COL6A1: variants seen among roughly 807,000 people sequenced by gnomAD.
COL6A1 encodes collagen alpha-1(VI) chain.
In COL6A1, 80 loss-of-function variants were observed where a neutral mutation model predicts 145.6. The observed-to-expected ratio is 0.55, with a 90% CI of 0.46 to 0.66. COL6A1 has a LOEUF of 0.66. COL6A1 is among the 30% of genes least tolerant of loss of function. The probability of loss-of-function intolerance (pLI) is 0.00; values close to 1 mark genes in which losing one functional copy is unlikely to be tolerated. For missense variants in COL6A1, 1,364 were observed against 1,473.8 expected (o/e 0.93, Z 1.22); for synonymous variants, 638 against 622.8 (o/e 1.02, Z -0.36).
chr21:46,002,148 T>A, intron 31 of COL6A1, 70 bp from the exon 32 acceptor site: 1 of 1,567,814 alleles, frequency 6.4e-7, no homozygotes, highest in Non-Finnish European at 8.6e-7. Flanking sequence ...CCCTGACCCC[T>A]GATCCCAGGT....
At chr21:45,998,252 G>A in intron 23 of COL6A1, 81 bp downstream of exon 23, 24 of 1,584,244 alleles carry the variant, frequency 1.5e-5, no homozygotes, top group Non-Finnish European at 2.1e-5. Context: ...GCACTCTTGG[G>A]TGGGCGGGCT....
intron 3 of COL6A1, among the ~76,000 whole-genome samples, chr21:45,984,769 C>G (rs2077728233): frequency 6.8e-6 from 1 of 147,536 alleles, no homozygotes; most frequent in South Asian, 2.2e-4. Flanking sequence ...CAGACAGAGA[C>G]AAACAGAGAC....
chr21:45,986,529 C>T lies in COL6A1; in HGVS notation c.432C>T (p.Gly144=), dbSNP rs1448036420. The part of the protein sequence containing the change: ...KKGLEQLLVG[G]SHLKENKYLI... ...CACGCTGCCCTCTCCTGTCCAGGGG[C>T]TCCCACCTGAAGGAGAATAAGTACC... Residue 144 remains glycine, a synonymous_variant, in exon 4 of 35, where the codon GGC becomes GGT. Coordinates refer to ENST00000361866, the MANE Select transcript of COL6A1 (RefSeq NM_001848.3). 1.9e-6 allele frequency: 3 copies of T among 1,558,506 alleles called. No homozygotes were observed. Among genetic ancestry groups the T allele is most frequent in the South Asian group, 1.2e-5 (1 of 84,524 alleles).
chr21:45,990,184 C>A (rs922266915), intron 11 of COL6A1, 74 bp from the exon 12 acceptor site: 4 of 1,581,458 alleles, frequency 2.5e-6, no homozygotes, highest in East Asian at 2.2e-5. Flanking sequence ...CCCTGCCTCG[C>A]GTGGGCCTAA....
chr21:46,003,289 C>T, intron 34 of COL6A1, 102 bp from the exon 35 acceptor site: 1 of 1,602,488 alleles, frequency 6.2e-7, no homozygotes, highest in Admixed American at 1.7e-5. Flanking sequence ...CTGAGCACCA[C>T]CGTGCCGTGC....
intron 23 of COL6A1, 51 bp downstream of exon 23, chr21:45,998,222 CGCCCTCTTTAGTGGACTGG>C: frequency 6.3e-7 from 1 of 1,599,834 alleles, no homozygotes; most frequent in Non-Finnish European, 8.5e-7. Context: ...CTGCCTGCGG[CGCCCTCTTTAGTGGACTGG>C]GCACTCTTGG....
Position 45,981,906 on chromosome 21 carries a change from C to A in COL6A1, c.56C>A (p.Ala19Glu). ...PLLLQACWTAAQDEPETPRAV... is the reference protein window; with the variant it reads ...PLLLQACWTAEQDEPETPRAV... ...CTGCTGCAGGCCTGCTGGACAGCCG[C>A]GCAGGATGAGCCGGAGACCCCGAGG... The change falls in exon 1 of 35, where the codon GCG becomes GAG. Residue 19 changes from alanine (A) to glutamate (E), a missense_variant. Ala to Glu is a moderately radical substitution (Grantham distance 107, BLOSUM62 -1). Around this residue, in one of 3 missense-constraint regions of COL6A1, gnomAD observed 414 missense variants for 437.6 expected, o/e 0.95. Coordinates refer to ENST00000361866, the MANE Select transcript of COL6A1 (RefSeq NM_001848.3). The A allele has an allele frequency of 6.2e-7, 1 of 1,606,898 alleles. No homozygotes were observed. Among genetic ancestry groups the A allele is most frequent in the Non-Finnish European group, 8.5e-7 (1 of 1,178,040 alleles).
chr21:45,998,174 A>G lies in COL6A1; in HGVS notation c.1575+3A>G, dbSNP rs2077817519. Reference sequence around the variant, plus strand: ...CCGAGGGCTTCCCCGGCTTCCCCGTAAGTGTCCGGAGGCTGAGCCCACAGG... The same window carrying G: ...CCGAGGGCTTCCCCGGCTTCCCCGTGAGTGTCCGGAGGCTGAGCCCACAGG... On this transcript the variant is annotated splice_donor_region_variant and intron_variant, in intron 23 of 34. Coordinates refer to ENST00000361866, the MANE Select transcript of COL6A1 (RefSeq NM_001848.3). The G allele has an allele frequency of 1.2e-6, 2 of 1,611,738 alleles. No homozygotes were observed. The highest frequency in any genetic ancestry group is 1.6e-4 in the Middle Eastern group (1 of 6,080).
chr21:46,001,273 G>T lies in COL6A1; in HGVS notation c.1843G>T (p.Asp615Tyr). The change falls in exon 30 of 35, where the codon GAC (aspartate) becomes TAC (tyrosine). Residue 615 changes from aspartate (D) to tyrosine (Y), a missense_variant. By Grantham distance (160) the Asp-to-Tyr change is radical. This residue lies in a region of COL6A1 where 938 missense variants were observed against 1,003.8 expected (regional missense o/e 0.93). Transcript: ENST00000361866. ...SCCECKCGPIDLLFVLDSSES... is the reference protein window; with the variant it reads ...SCCECKCGPIYLLFVLDSSES... ...TGCAGAATGCAAGTGCGGCCCCATC[G>T]ACCTCCTGTTCGTGCTGGACAGCTC... The T allele has an allele frequency of 2.5e-6, 4 of 1,610,386 alleles. No homozygotes were observed. Among genetic ancestry groups the T allele is most frequent in the Non-Finnish European group, 2.5e-6 (3 of 1,179,676 alleles).
chr21:45,990,200 G>T, intron 11 of COL6A1, 58 bp from the exon 12 acceptor site: 3 of 1,607,128 alleles, frequency 1.9e-6, no homozygotes, highest in Non-Finnish European at 2.6e-6. Context: ...CCTAAGCCAG[G>T]CTTGCCCTGC....
At chr21:45,999,019 C>G in intron 25 of COL6A1, 60 bp downstream of exon 25, 2 of 1,548,446 alleles carry the variant, frequency 1.3e-6, no homozygotes, top group Non-Finnish European at 1.7e-6. Context: ...GGGCTGGGCC[C>G]TTGAAGGGCA....
At position 45,991,029 on chromosome 21, in the gene COL6A1, G is replaced by A. The variant is rs746451311; in HGVS notation, c.1107G>A (p.Leu369=). 14 of 1,613,288 alleles carry A rather than the reference G, an allele frequency of 8.7e-6. No homozygotes were observed. Among genetic ancestry groups the A allele is most frequent in the Middle Eastern group, 3.3e-4 (2 of 6,062 alleles). Residue 369 remains leucine (L), a synonymous_variant, in exon 15 of 35, where the codon CTG becomes CTA. Transcript: ENST00000361866. The part of the protein sequence containing the change: ...GPKGDPGAFG[L]KGEKGEPGAD... ...AGGGAGACCCCGGTGCCTTTGGACT[G>A]AAAGGAGAAAAGGTGAGTGACTTGC...
At chr21:46,001,932 G>A (rs1048422381) in intron 30 of COL6A1, 29 bp from the exon 31 acceptor site, 14 of 1,598,356 alleles carry the variant, frequency 8.8e-6, no homozygotes, top group South Asian at 4.5e-5. Flanking sequence ...GGCAGCACTC[G>A]CGTCCTGACC....
intron 9 of COL6A1, 63 bp downstream of exon 9, chr21:45,989,200 G>A (rs929246607): frequency 1.7e-5 from 25 of 1,505,744 alleles, no homozygotes; most frequent in African/African-American, 1.3e-4. Context: ...ACTAGGCCTC[G>A]GAAACTTCCG....
rs369365801 is a variant in COL6A1, at chr21:46,001,357, G to A, written c.1927G>A (p.Asp643Asn). 3.7e-6 allele frequency: 6 copies of A among 1,612,166 alleles called. No homozygotes were observed. The highest frequency in any genetic ancestry group is 1.3e-5 in the African/African-American group (1 of 74,900). The change falls in exon 30 of 35, where the codon GAC becomes AAC. Residue 643 changes from aspartate (D) to asparagine (N), a missense_variant. Around this residue, in one of 3 missense-constraint regions of COL6A1, gnomAD observed 938 missense variants for 1,003.8 expected, o/e 0.93. Transcript: ENST00000361866. ...CAAGGACTTCGTCGTCAAGGTCATCGACCGGCTGAGCCGGGACGAGCTGGT... is the reference window on the plus strand; with the variant it reads ...CAAGGACTTCGTCGTCAAGGTCATCAACCGGCTGAGCCGGGACGAGCTGGT... ...IAKDFVVKVI[D>N]RLSRDELVKF... is the part of the protein sequence containing the mutation.
chr21:45,999,490 A>G (rs2077825810), intron 26 of COL6A1, 167 bp from the exon 27 acceptor site: 3 of 833,806 alleles, frequency 3.6e-6, no homozygotes, highest in African/African-American at 1.7e-5. Flanking sequence ...GCGAAGCCCC[A>G]GCTGCCCTCA....
Position 45,985,141 on chromosome 21 carries a change from CAG to C in COL6A1, c.428+676_428+677del, listed in dbSNP as rs200995260. On this transcript the variant is annotated intron_variant, in intron 3 of 34. Transcript: ENST00000361866. Reference sequence around the variant, plus strand: ...AGACAGGCAGACAGAGAGACAGAGACAGAGACAGCGAAACAGAGACAGAAACA... The same window carrying C: ...AGACAGGCAGACAGAGAGACAGAGACAGACAGCGAAACAGAGACAGAAACA... Among the ~76,000 whole-genome samples, 1,279 of 148,338 alleles carry C rather than the reference CAG, an allele frequency of 8.6e-3. 30 individuals carry two copies. Among genetic ancestry groups the C allele is most frequent in the Admixed American group, 0.056 (839 of 14,960 alleles).
intron 26 of COL6A1, 121 bp downstream of exon 26, chr21:45,999,339 C>A (rs1354727165): frequency 2.9e-6 from 3 of 1,046,414 alleles, no homozygotes; most frequent in Non-Finnish European, 4.3e-6. Flanking sequence ...TTTTGGGGAG[C>A]ACGTCATCTG....
intron 19 of COL6A1, 101 bp downstream of exon 19, chr21:45,992,911 C>T: frequency 9.2e-7 from 1 of 1,088,932 alleles, no homozygotes; most frequent in Non-Finnish European, 1.4e-6. Flanking sequence ...TCATGAAGCC[C>T]CTGTGGCCCC....
Sources: allele counts gnomAD v4.1 joint callset (sites outside exome capture counted in the v4.1 genomes callset), GRCh38; gene constraint gnomAD v4.1.1; regional missense constraint gnomAD v4.1.1; transcripts MANE v1.5; gene names NCBI Gene and HGNC (gene_info 2026-07-23, HGNC 2026-07-21).